The following FGA variants were observed in gnomAD, a reference collection of about 807,000 sequenced individuals.
FGA encodes the protein fibrinogen, A alpha polypeptide.
A neutral mutation model predicts 20.3 loss-of-function variants in FGA; 20 were observed. The observed-to-expected ratio is 0.99, with a 90% CI of 0.69 to 1.43. The LOEUF is 1.43. Ranked by LOEUF, FGA falls within the 40% of genes most tolerant of loss-of-function variation. The pLI, the probability that FGA is intolerant of heterozygous loss-of-function variation, is 0.00. For missense variants in FGA, 777 were observed against 784.7 expected, an observed-to-expected ratio of 0.99 and a Z score of 0.12; for synonymous variants, 306 against 281.6, an observed-to-expected ratio of 1.09 and a Z score of -0.87.
chr4:154,590,272 C>T (rs1369493506), intron 1 of FGA, among the ~76,000 whole-genome samples: 1 of 152,174 alleles, frequency 6.6e-6, no homozygotes, highest in Non-Finnish European at 1.5e-5. Flanking sequence ...CAAATCTTAC[C>T]ATAAAATGTT....
At chr4:154,584,234 T>G (rs975515411), downstream of FGA, 3 of 1,610,704 alleles carry the variant, frequency 1.9e-6, no homozygotes, top group Non-Finnish European at 2.5e-6. Flanking sequence ...GGACTGTTAT[T>G]CCTTGGGTCA....
Position 154,588,857 on chromosome 4 carries a change from CT to C in FGA, c.299del (p.Lys100ArgfsTer6), listed in dbSNP as rs1730800412. Reference protein sequence around the residue: ...NSLFEYQKNNKDSHSLTTNIM... With the variant: ...NSLFEYQKNNXDSHSLTTNIM... ...TATTAGTGGTCAACGAATGAGAATC[CT>C]TATTGTTCTTCTGATATTCAAATAG... On this transcript the variant is annotated frameshift_variant, in exon 3 of 5. Coordinates refer to ENST00000403106, the MANE Select transcript of FGA (RefSeq NM_021871.4). LOFTEE classifies it high-confidence loss of function. 2 of 1,612,176 alleles carry C rather than the reference CT, an allele frequency of 1.2e-6. No homozygotes were observed. The highest frequency in any genetic ancestry group is 1.7e-6 in the Non-Finnish European group (2 of 1,178,916).
Position 154,586,179 on chromosome 4 carries a change from GACACCTCTT to G in FGA, c.1241_1249del (p.Glu414_Ser417delinsAla). 2 of 1,614,120 alleles carry G rather than the reference GACACCTCTT, an allele frequency of 1.2e-6. No homozygotes were observed. The highest frequency in any genetic ancestry group is 1.7e-6 in the Non-Finnish European group (2 of 1,180,020). ...CCTTGTCCCTGGACTTACATTTCCT[GACACCTCTT>G]CAAATGTGCCCCAGTCTGGGTTGTT... On this transcript the variant is annotated inframe_deletion, in exon 5 of 5. Transcript: ENST00000403106.
chr4:154,584,758 C>A (rs1474909394), downstream of FGA: 4 of 1,614,104 alleles, frequency 2.5e-6, no homozygotes, highest in Non-Finnish European at 3.4e-6. Flanking sequence ...AAAAATCTTA[C>A]TGGATCCCGG....
downstream of FGA, chr4:154,585,248 A>C (rs974623432): frequency 1.3e-5 from 18 of 1,343,884 alleles, no homozygotes; most frequent in Non-Finnish European, 1.6e-5. Flanking sequence ...ATTTGACTAA[A>C]TAAGCTCAAA....
In FGA at chr4:154,587,383, C is replaced by T. The variant is rs984517376; in HGVS notation, c.510+129G>A. The T allele has an allele frequency of 3.3e-6, 3 of 900,538 alleles. No individual in the cohort carries two copies. The African/African-American group carries it at 5.0e-5, about 15-fold the overall frequency. 55.8% of individuals were successfully genotyped at this position (900,538 alleles called of 1,614,324 possible). On this transcript the variant is annotated intron_variant, in intron 4 of 4. Coordinates refer to ENST00000403106, the MANE Select transcript of FGA (RefSeq NM_021871.4). Reference sequence around the variant, plus strand: ...CAACTGTGGAGTGAGGAAAATAATACCTACTTTTAGGTAGATGATGGATAT... The same window carrying T: ...CAACTGTGGAGTGAGGAAAATAATATCTACTTTTAGGTAGATGATGGATAT...
downstream of FGA, chr4:154,584,113 A>ACTTCGAAGACAGAGTGCTCCCATTCCCG (rs770658970): frequency 1.2e-6 from 2 of 1,601,032 alleles, no homozygotes; most frequent in Admixed American, 3.3e-5. Flanking sequence ...TCCCATTCCC[A>ACTTCGAAGACAGAGTGCTCCCATTCCCG]CTTCTTCAGC....
chr4:154,586,913 G>C lies in FGA; in HGVS notation c.516C>G (p.Asp172Glu), dbSNP rs780068895. 4 of 1,613,408 alleles carry C rather than the reference G, an allele frequency of 2.5e-6. No homozygotes were observed. In the South Asian group the frequency reaches 4.4e-5, roughly 18 times the overall value. ...QLVDMKRLEV[D>E]IDIKIRSCRG... ...GACAAGATCGGATCTTAATATCAATGTCCACCTAGAGAGAGGGGAGAAAAA... is the reference window on the plus strand; with the variant it reads ...GACAAGATCGGATCTTAATATCAATCTCCACCTAGAGAGAGGGGAGAAAAA... Residue 172 changes from aspartate (D) to glutamate (E), a missense_variant, in exon 5 of 5, where the codon GAC (aspartate) becomes GAG (glutamate). Transcript: ENST00000403106.
Position 154,585,737 on chromosome 4 carries a change from G to A in FGA, c.1692C>T (p.His564=). 6.2e-7 allele frequency: 1 copy of A among 1,614,174 alleles called. No individual in the cohort carries two copies. Among genetic ancestry groups the A allele is most frequent in the Non-Finnish European group, 8.5e-7 (1 of 1,180,018 alleles). Residue 564 remains histidine (H), a synonymous_variant, in exon 5 of 5, where the codon CAC becomes CAT. Coordinates refer to ENST00000403106, the MANE Select transcript of FGA (RefSeq NM_021871.4). ...FTNTKESSSH[H]PGIAEFPSRG... ...GGGAAGGGAATTCAGCTATCCCAGG[G>A]TGATGAGAACTGGATTCCTTTGTAT...
At chr4:154,589,004 A>G in intron 2 of FGA, 28 bp from the exon 3 acceptor site, 4 of 1,565,024 alleles carry the variant, frequency 2.6e-6, no homozygotes, top group Non-Finnish European at 3.5e-6. Context: ...AAATTACAGT[A>G]AGGATCTATC....
At chr4:154,589,017 T>C in intron 2 of FGA, 41 bp from the exon 3 acceptor site, 5 of 1,509,868 alleles carry the variant, frequency 3.3e-6, no homozygotes, top group Non-Finnish European at 4.6e-6. Flanking sequence ...GATCTATCTC[T>C]CAGATTCAGA....
chr4:154,589,301 T>G (rs1418008633), intron 2 of FGA, 136 bp downstream of exon 2: 5 of 1,063,878 alleles, frequency 4.7e-6, no homozygotes, highest in Non-Finnish European at 7.0e-6. Flanking sequence ...AGTAGGTTCC[T>G]TTTCTTTATT....
Position 154,586,848 on chromosome 4 carries a change from A to C in FGA, c.581T>G (p.Leu194Arg). 6.2e-7 allele frequency: 1 copy of C among 1,614,192 alleles called. No individual in the cohort carries two copies. Among genetic ancestry groups the C allele is most frequent in the Non-Finnish European group, 8.5e-7 (1 of 1,180,008 alleles). The change falls in exon 5 of 5, where the codon CTG becomes CGG. Residue 194 changes from leucine (L) to arginine (R), a missense_variant. Physicochemically the swap from Leu to Arg is moderately radical, Grantham distance 102. Coordinates refer to ENST00000403106, the MANE Select transcript of FGA (RefSeq NM_021871.4). Reference protein sequence around the residue: ...CSRALAREVDLKDYEDQQKQL... With the variant: ...CSRALAREVDRKDYEDQQKQL... ...CTTCTGCTGATCTTCATAGTCCTTCAGATCTACTTCACGAGCTAAAGCCCT... is the reference window on the plus strand; with the variant it reads ...CTTCTGCTGATCTTCATAGTCCTTCCGATCTACTTCACGAGCTAAAGCCCT...
rs891634554 is a variant in FGA, at chr4:154,585,301, A to G, written c.*193T>C. 5.4e-6 allele frequency: 7 copies of G among 1,284,840 alleles called. No individual in the cohort carries two copies. Among genetic ancestry groups the G allele is most frequent in the Non-Finnish European group, 6.2e-6 (6 of 969,962 alleles). 79.6% of individuals were successfully genotyped at this position (1,284,840 alleles called of 1,614,324 possible). ...TCATTCATCCATTTAACATGTATTT[A>G]TTGAGTCATGGCTCTGTACTGTTAG... On this transcript the variant is annotated 3_prime_UTR_variant, in exon 5 of 5. Coordinates refer to ENST00000403106, the MANE Select transcript of FGA (RefSeq NM_021871.4).
rs766746856 is a variant in FGA, at chr4:154,586,347, T to C, written c.1082A>G (p.Asn361Ser). ...ACTTCCGCGTTCAGAGCTGCCAGGA[T>C]TCCAGGTTCCGGTACTACCAGGTCT... Reference protein sequence around the residue: ...SPRPGSTGTWNPGSSERGSAG... With the variant: ...SPRPGSTGTWSPGSSERGSAG... Residue 361 changes from asparagine (N) to serine (S), a missense_variant, in exon 5 of 5, where the codon AAT becomes AGT. Transcript: ENST00000403106. 8 of 1,614,076 alleles carry C rather than the reference T, an allele frequency of 5.0e-6. No individual in the cohort carries two copies. In the Admixed American group the frequency reaches 1.0e-4, roughly 20 times the overall value.
chr4:154,583,884 G>A, downstream of FGA: 1 of 520,614 alleles, frequency 1.9e-6, no homozygotes, highest in Non-Finnish European at 3.4e-6. Flanking sequence ...ATGGCCCTTG[G>A]TATATCTTTA....
At chr4:154,584,072 C>T, downstream of FGA, 1 of 832,992 alleles carries the variant, frequency 1.2e-6, no homozygotes, top group Non-Finnish European at 1.7e-6. Context: ...TGTATTTTCT[C>T]TCCACTTCTC....
chr4:154,585,630 C>G lies in FGA; in HGVS notation c.1799G>C (p.Ser600Thr). The G allele has an allele frequency of 6.2e-7, 1 of 1,614,166 alleles. No homozygotes were observed. The highest frequency in any genetic ancestry group is 8.5e-7 in the Non-Finnish European group (1 of 1,180,020). The change falls in exon 5 of 5, where the codon AGC becomes ACC. Residue 600 changes from serine to threonine, a missense_variant. Coordinates refer to ENST00000403106, the MANE Select transcript of FGA (RefSeq NM_021871.4). ...TCCGGCCTCATCTGCCATTTTATAGCTCTTGCTTTCAAATGTGGAGTCTCC... is the reference window on the plus strand; with the variant it reads ...TCCGGCCTCATCTGCCATTTTATAGGTCTTGCTTTCAAATGTGGAGTCTCC... Reference protein sequence around the residue: ...NRGDSTFESKSYKMADEAGSE... With the variant: ...NRGDSTFESKTYKMADEAGSE...
chr4:154,585,325 A>G lies in FGA; in HGVS notation c.*169T>C. 1 of 1,194,626 alleles carries G rather than the reference A, an allele frequency of 8.4e-7. No individual in the cohort carries two copies. The highest frequency in any genetic ancestry group is 1.1e-6 in the Non-Finnish European group (1 of 874,632). 74.0% of individuals were successfully genotyped at this position (1,194,626 alleles called of 1,614,324 possible). ...TATTGAGTCATGGCTCTGTACTGTT[A>G]GGCATTTGGGAATACAGAGATGAGA... On this transcript the variant is annotated 3_prime_UTR_variant, in exon 5 of 5. Coordinates refer to ENST00000403106, the MANE Select transcript of FGA (RefSeq NM_021871.4).
Sources: gnomAD v4.1 joint callset for allele counts (sites outside exome capture counted in the v4.1 genomes callset) on GRCh38, gnomAD v4.1.1 for gene constraint, MANE v1.5 for transcripts, NCBI Gene and HGNC (gene_info 2026-07-23, HGNC 2026-07-21) for gene names.